EXT2: variants seen among roughly 807,000 people sequenced by gnomAD.
The protein encoded by EXT2 is exostosin-2.
A neutral mutation model predicts 81.6 loss-of-function variants in EXT2; 53 were observed. That is an observed-to-expected ratio of 0.65 (90% CI 0.52 to 0.82). The LOEUF (loss-of-function observed/expected upper bound fraction) is 0.82. Ranked by LOEUF, EXT2 falls within the 40% of genes least tolerant of loss-of-function variation. EXT2 has a pLI of 0.00. For synonymous variants in EXT2, 320 were observed against 340.0 expected (o/e 0.94, Z 0.65); for missense variants, 774 against 910.2 (o/e 0.85, Z 1.93).
chr11:44,134,729 G>GT (rs1308961393), intron 7 of EXT2, among the ~76,000 whole-genome samples: 5 of 152,194 alleles, frequency 3.3e-5, no homozygotes, highest in African/African-American at 1.2e-4. Context: ...TGGATCCCCA[G>GT]TTTATCTGTT....
chr11:44,219,659 G>T lies in EXT2; in HGVS notation c.1663-12694G>T, dbSNP rs180792758. 3.9e-5 allele frequency among the ~76,000 whole-genome samples: 6 copies of T among 152,274 alleles called. No homozygotes were observed. In the East Asian group the frequency reaches 1.2e-3, roughly 29 times the overall value. On this transcript the variant is annotated intron_variant, in intron 10 of 13. Transcript: ENST00000533608. ...GTGCCTCAGTCTGTTGGGAATCCAGGAGGGTCTCTGCAGAAGGGTTTTTCT... is the reference window on the plus strand; with the variant it reads ...GTGCCTCAGTCTGTTGGGAATCCAGTAGGGTCTCTGCAGAAGGGTTTTTCT...
chr11:44,179,565 C>T (rs1179714915), intron 8 of EXT2, among the ~76,000 whole-genome samples: 8 of 152,196 alleles, frequency 5.3e-5, no homozygotes, highest in African/African-American at 1.9e-4. Context: ...CCAACTATCA[C>T]TTATATTAGC....
intron 7 of EXT2, among the ~76,000 whole-genome samples, chr11:44,163,514 T>C (rs1210439463): frequency 6.6e-6 from 1 of 152,254 alleles, no homozygotes; most frequent in Non-Finnish European, 1.5e-5. Flanking sequence ...TCGTTGCTAC[T>C]ATTTTGTTAA....
At chr11:44,108,320 A>G in intron 2 of EXT2, 72 bp downstream of exon 2, 1 of 1,513,308 alleles carries the variant, frequency 6.6e-7, no homozygotes, top group Non-Finnish European at 9.0e-7. Context: ...AGGGAAGGGA[A>G]GGATGGGAAT....
intron 7 of EXT2, among the ~76,000 whole-genome samples, chr11:44,133,622 T>A (rs1436021864): frequency 6.6e-6 from 1 of 152,230 alleles, no homozygotes; most frequent in Non-Finnish European, 1.5e-5. Flanking sequence ...TGAGCCACTC[T>A]GGTGCTTCAC....
Position 44,203,992 on chromosome 11 carries a change from T to C in EXT2, c.1496-2801T>C, listed in dbSNP as rs1042059692. On this transcript the variant is annotated intron_variant, in intron 9 of 13. Coordinates refer to ENST00000533608, the MANE Select transcript of EXT2 (RefSeq NM_207122.2). ...ACACTTAGTTTCTTTAAGCATTCTG[T>C]AGAAAGCCTGGATACAGATGCCTGC... Among the ~76,000 whole-genome samples the C allele has an allele frequency of 5.9e-5, 9 of 152,210 alleles. No individual in the cohort carries two copies. The East Asian group carries it at 1.7e-3, about 29-fold the overall frequency.
intron 13 of EXT2, among the ~76,000 whole-genome samples, chr11:44,238,988 G>C (rs1956003323): frequency 1.3e-5 from 2 of 152,170 alleles, no homozygotes; most frequent in African/African-American, 4.8e-5. Context: ...GTATTGCTTT[G>C]AGATTAATTT....
chr11:44,201,410 G>A (rs1358642438), intron 9 of EXT2, among the ~76,000 whole-genome samples: 4 of 152,204 alleles, frequency 2.6e-5, no homozygotes, highest in Non-Finnish European at 5.9e-5. Context: ...CAGGAACTGT[G>A]CTACATGCTT....
chr11:44,114,183 A>C lies in EXT2; in HGVS notation c.627-2A>C. On this transcript the variant is annotated splice_acceptor_variant, in intron 3 of 13. Transcript: ENST00000533608. LOFTEE classifies it high-confidence loss of function. ...TCGTTTAACAAAATACTTTGCTTTC[A>C]GGGCCCTGTTGGCTGGTGGCGGCTT... 1 of 1,613,726 alleles carries C rather than the reference A, an allele frequency of 6.2e-7. No individual in the cohort carries two copies. The highest frequency in any genetic ancestry group is 8.5e-7 in the Non-Finnish European group (1 of 1,179,622).
At position 44,244,317 on chromosome 11, in the gene EXT2, AG is replaced by A. The variant is rs1238029664; in HGVS notation, c.*32del. On this transcript the variant is annotated 3_prime_UTR_variant, in exon 14 of 14. Transcript: ENST00000533608. ...TGTCATTGGTGGAGGTCTGAATGTG[AG>A]GCTGGGACAGAGGGAGAGAACAAGG... 2 of 1,613,322 alleles carry A rather than the reference AG, an allele frequency of 1.2e-6. No individual in the cohort carries two copies. The highest frequency in any genetic ancestry group is 2.2e-5 in the South Asian group (2 of 91,054).
At chr11:44,224,895 A>T (rs377477418) in intron 10 of EXT2, among the ~76,000 whole-genome samples, 1 of 152,170 alleles carries the variant, frequency 6.6e-6, no homozygotes, top group East Asian at 1.9e-4. Context: ...AAGGCCCAAT[A>T]ATAGTTGTTT....
intron 7 of EXT2, among the ~76,000 whole-genome samples, chr11:44,158,430 C>T (rs190086671): frequency 1.3e-5 from 2 of 152,056 alleles, no homozygotes; most frequent in South Asian, 2.1e-4. Flanking sequence ...TGGATGACAG[C>T]GTATCAGTTT....
intron 8 of EXT2, among the ~76,000 whole-genome samples, chr11:44,172,490 C>T (rs1330771883): frequency 1.3e-5 from 2 of 152,160 alleles, no homozygotes; most frequent in African/African-American, 2.4e-5. Context: ...CAAGGCATTC[C>T]TGTAAGAGAA....
At chr11:44,133,388 G>A (rs1954521992) in intron 7 of EXT2, among the ~76,000 whole-genome samples, 1 of 152,154 alleles carries the variant, frequency 6.6e-6, no homozygotes, top group African/African-American at 2.4e-5. Context: ...TCCACTTTTA[G>A]GGGAAAGCCT....
At chr11:44,107,622 T>C (rs1954073432) in intron 1 of EXT2, 61 bp from the exon 2 acceptor site, 2 of 1,493,120 alleles carry the variant, frequency 1.3e-6, no homozygotes, top group East Asian at 2.3e-5. Flanking sequence ...GAATAGTCTT[T>C]TCAAGTGTCA....
chr11:44,242,099 G>A (rs1002816112), intron 13 of EXT2, among the ~76,000 whole-genome samples: 2 of 152,140 alleles, frequency 1.3e-5, no homozygotes, highest in Admixed American at 6.5e-5. Context: ...CTCTCTACAG[G>A]GCCTTGGAAC....
rs933153776 is a variant in EXT2, at chr11:44,247,146, G to C, written c.*2859G>C. On this transcript the variant is annotated 3_prime_UTR_variant, in exon 14 of 14. Transcript: ENST00000533608. ...ATTTTACCAACCCTCACACATTTAGGTATAAACCTCCTTTTCTGGGAGAAT... is the reference window on the plus strand; with the variant it reads ...ATTTTACCAACCCTCACACATTTAGCTATAAACCTCCTTTTCTGGGAGAAT... 2.6e-5 allele frequency among the ~76,000 whole-genome samples: 4 copies of C among 151,808 alleles called. No homozygotes were observed. The highest frequency in any genetic ancestry group is 7.3e-5 in the African/African-American group (3 of 41,300).
rs187469841 is a variant in EXT2 at position 44,244,090 on chromosome 11, C to T, written c.2019-59C>T. ...TGAACATACTATCTTTTCTCCCTGC[C>T]CCCATCCTTCTCATTCTGCTCAAAC... On this transcript the variant is annotated intron_variant, in intron 13 of 13. Transcript: ENST00000533608. 6 of 1,471,054 alleles carry T rather than the reference C, an allele frequency of 4.1e-6. No individual in the cohort carries two copies. In the East Asian group the frequency reaches 1.4e-4, roughly 33 times the overall value. 91.1% of individuals were successfully genotyped at this position (1,471,054 alleles called of 1,614,324 possible). A position where few individuals can be genotyped will look rare whatever the true frequency, so the allele number is the denominator to read the frequency against.
chr11:44,234,698 A>G (rs932314183), intron 12 of EXT2, among the ~76,000 whole-genome samples: 2 of 152,190 alleles, frequency 1.3e-5, no homozygotes, highest in Admixed American at 6.5e-5. Flanking sequence ...TTAAATATCA[A>G]TTACCAGTTT....
Sources: gnomAD v4.1 joint callset for allele counts (sites outside exome capture counted in the v4.1 genomes callset) on GRCh38, gnomAD v4.1.1 for gene constraint, MANE v1.5 for transcripts, NCBI Gene and HGNC (gene_info 2026-07-23, HGNC 2026-07-21) for gene names.